The following PRKD2 variants were observed in gnomAD, a reference collection of about 807,000 sequenced individuals.
The protein encoded by PRKD2 is protein kinase D2.
PRKD2 carries 22 observed loss-of-function variants against 86.0 expected under a neutral mutation model. That is an observed-to-expected ratio of 0.26 (90% confidence interval 0.18 to 0.37). The LOEUF (loss-of-function observed/expected upper bound fraction) is 0.37. PRKD2 is among the 10% of genes least tolerant of loss of function. PRKD2 has a pLI of 1.00. For missense variants in PRKD2, 818 were observed against 1,199.2 expected (o/e 0.68, Z 4.70); for synonymous variants, 509 against 510.9 (o/e 1.00, Z 0.05).
intron 16 of PRKD2, among the ~76,000 whole-genome samples, chr19:46,676,748 A>G (rs1371590044): frequency 6.6e-6 from 1 of 152,128 alleles, no homozygotes; most frequent in Non-Finnish European, 1.5e-5. Context: ...TTACTGAGGG[A>G]CTTCTGAGTG....
intron 13 of PRKD2, 92 bp downstream of exon 13, chr19:46,690,508 C>T (rs2053467907): frequency 4.5e-6 from 5 of 1,119,946 alleles, no homozygotes; most frequent in South Asian, 1.3e-5. Context: ...TGCACATGCC[C>T]TCCCCCAGGA....
chr19:46,699,083 C>A (rs1163182662), intron 7 of PRKD2, among the ~76,000 whole-genome samples: 1 of 152,226 alleles, frequency 6.6e-6, no homozygotes, highest in Middle Eastern at 3.4e-3. Context: ...TCTGTCCAAC[C>A]CTCTTCCCCT....
Position 46,704,373 on chromosome 19 carries a change from G to GTTT in PRKD2, c.684_685insAAA (p.Glu228_Leu229insLys). On this transcript the variant is annotated inframe_insertion, in exon 5 of 18. Coordinates refer to ENST00000291281, the MANE Select transcript of PRKD2 (RefSeq NM_016457.5). ...GATGACGGGGGACGGCGAGGCAGGA[G>GTTT]TTCGGTGGTGCTACGGCTCTGTCGT... is the stretch of plus-strand genomic sequence containing the variant. The GTTT allele has an allele frequency of 6.2e-7, 1 of 1,614,068 alleles. No homozygotes were observed. The highest frequency in any genetic ancestry group is 8.5e-7 in the Non-Finnish European group (1 of 1,180,014).
intron 5 of PRKD2, among the ~76,000 whole-genome samples, chr19:46,701,653 T>G (rs200917651): frequency 1.4e-5 from 2 of 147,774 alleles, no homozygotes; most frequent in African/African-American, 5.0e-5. Context: ...CGCGCCCGAC[T>G]TGTGTGTGTG....
chr19:46,713,273 C>T (rs1405427249), intron 2 of PRKD2, among the ~76,000 whole-genome samples: 2 of 151,038 alleles, frequency 1.3e-5, no homozygotes, highest in East Asian at 3.9e-4. Flanking sequence ...GCGATCCTCC[C>T]ACCTCAGCCT....
intron 13 of PRKD2, 64 bp downstream of exon 13, chr19:46,690,536 C>G (rs2053468483): frequency 6.6e-7 from 1 of 1,506,530 alleles, no homozygotes; most frequent in Admixed American, 1.7e-5. Context: ...CCTGACCACC[C>G]CTACACTGGG....
In PRKD2 at chr19:46,694,165, T is replaced by G. The variant is rs746847165; in HGVS notation, c.1318-32A>C. On this transcript the variant is annotated intron_variant, in intron 9 of 17. Coordinates refer to ENST00000291281, the MANE Select transcript of PRKD2 (RefSeq NM_016457.5). ...GACGTGGAACCAGCACAGGTGAGGA[T>G]GCCAGGCAGACCTTGGAATTCTAGT... is the stretch of plus-strand genomic sequence containing the variant. The G allele has an allele frequency of 2.5e-6, 4 of 1,605,544 alleles. No homozygotes were observed. The African/African-American group carries it at 5.3e-5, about 21-fold the overall frequency.
intron 13 of PRKD2, among the ~76,000 whole-genome samples, chr19:46,690,253 C>T (rs2122652172): frequency 6.6e-6 from 1 of 152,310 alleles, no homozygotes; most frequent in East Asian, 1.9e-4. Flanking sequence ...TTTCCACCCA[C>T]CCTCCAGATG....
Position 46,689,777 on chromosome 19 carries a change from G to A in PRKD2, c.1810-79C>T, listed in dbSNP as rs765036119. ...AACGGGTCAGGTATAGGAGCAGGAG[G>A]ATGACAAACAAGGAGAAGGATGTCC... On this transcript the variant is annotated intron_variant, in intron 13 of 17. Transcript: ENST00000291281. 1.7e-4 allele frequency: 260 copies of A among 1,524,498 alleles called. 1 individual carries two copies. Among genetic ancestry groups the A allele is most frequent in the Admixed American group, 3.5e-5 (2 of 57,698 alleles). The allele number at this position is 1,524,498 out of a possible 1,614,324, so 94.4% of individuals were successfully genotyped here. A position where few individuals can be genotyped will look rare whatever the true frequency, so the allele number is the denominator to read the frequency against.
At chr19:46,702,499 G>A (rs1306726007) in intron 5 of PRKD2, among the ~76,000 whole-genome samples, 1 of 151,908 alleles carries the variant, frequency 6.6e-6, no homozygotes, top group Non-Finnish European at 1.5e-5. Context: ...ACAATTCTAG[G>A]CTTCTCTACC....
At chr19:46,695,180 G>C (rs959043487) in intron 9 of PRKD2, among the ~76,000 whole-genome samples, 2 of 150,800 alleles carry the variant, frequency 1.3e-5, no homozygotes, top group Non-Finnish European at 1.5e-5. Flanking sequence ...GACAGGGCAA[G>C]AGCCTGTCTC....
Position 46,682,450 on chromosome 19 carries a change from C to T in PRKD2, c.1972-702G>A, listed in dbSNP as rs536354655. Among the ~76,000 whole-genome samples the T allele has an allele frequency of 1.1e-4, 16 of 152,150 alleles. No individual in the cohort carries two copies. The South Asian group carries it at 2.5e-3, about 24-fold the overall frequency. On this transcript the variant is annotated intron_variant, in intron 14 of 17. Coordinates refer to ENST00000291281, the MANE Select transcript of PRKD2 (RefSeq NM_016457.5). ...GATTACAGGCGTGAGTGAGCCACTG[C>T]GCCTGGCCCCATCCATGCCTTCCTA...
At chr19:46,684,236 T>C (rs541442429) in intron 14 of PRKD2, among the ~76,000 whole-genome samples, 4 of 152,042 alleles carry the variant, frequency 2.6e-5, no homozygotes, top group South Asian at 2.1e-4. Context: ...CTTGAGATAA[T>C]AGGCACGACC....
In PRKD2 at chr19:46,675,019, G is replaced by A. The variant is rs1056067016; in HGVS notation, c.2424+14C>T. On this transcript the variant is annotated intron_variant, in intron 17 of 17. Coordinates refer to ENST00000291281, the MANE Select transcript of PRKD2 (RefSeq NM_016457.5). ...CCAATCCAGCCAATGGGCCAGCCCT[G>A]CCCCCTGCATCACCTGTAACCAGGG... 5 of 1,595,914 alleles carry A rather than the reference G, an allele frequency of 3.1e-6. No individual in the cohort carries two copies. The highest frequency in any genetic ancestry group is 2.3e-5 in the South Asian group (2 of 88,704).
At chr19:46,686,451 C>T (rs1034408248) in intron 14 of PRKD2, among the ~76,000 whole-genome samples, 2 of 139,134 alleles carry the variant, frequency 1.4e-5, no homozygotes, top group African/African-American at 5.4e-5. Flanking sequence ...GCCTGGGCAA[C>T]ATGGCGAGAC....
At chr19:46,679,522 G>T (rs1180035093) in intron 15 of PRKD2, among the ~76,000 whole-genome samples, 1 of 152,218 alleles carries the variant, frequency 6.6e-6, no homozygotes, top group African/African-American at 2.4e-5. Context: ...GTATTGGGGG[G>T]TTGTTGATAG....
At chr19:46,715,594 G>A (rs1032419323) in intron 1 of PRKD2, among the ~76,000 whole-genome samples, 2 of 152,186 alleles carry the variant, frequency 1.3e-5, no homozygotes, top group Non-Finnish European at 2.9e-5. Context: ...ACTAGGAAAG[G>A]GAATAGAGTC....
chr19:46,704,286 G>A lies in PRKD2; in HGVS notation c.772C>T (p.Leu258Phe). The A allele has an allele frequency of 6.2e-7, 1 of 1,614,226 alleles. No homozygotes were observed. Among genetic ancestry groups the A allele is most frequent in the Non-Finnish European group, 8.5e-7 (1 of 1,180,036 alleles). Residue 258 changes from leucine to phenylalanine, a missense_variant, in exon 5 of 18, where the codon CTC (leucine) becomes TTC (phenylalanine). By Grantham distance (22) the Leu-to-Phe change is conservative. Transcript: ENST00000291281. ...GTGTGCGGCACCTTGACCTTGGAGA[G>A]CAGCATCTTGTCCAGCTCAATGGGG... ...GRPIELDKMLLSKVKVPHTFL... is the reference protein window; with the variant it reads ...GRPIELDKMLFSKVKVPHTFL...
At chr19:46,694,579 AGT>A (rs2053530345) in intron 9 of PRKD2, among the ~76,000 whole-genome samples, 1 of 152,170 alleles carries the variant, frequency 6.6e-6, no homozygotes, top group African/African-American at 2.4e-5. Context: ...TGGGCGACAG[AGT>A]GAGATTCCGT....
Sources: gnomAD v4.1 joint callset for allele counts (sites outside exome capture counted in the v4.1 genomes callset) on GRCh38, gnomAD v4.1.1 for gene constraint, MANE v1.5 for transcripts, NCBI Gene and HGNC (gene_info 2026-07-23, HGNC 2026-07-21) for gene names.